Variants in DSCAML1 observed in about 807,000 individuals in gnomAD.
DSCAML1 encodes DS cell adhesion molecule like 1, also known as cell adhesion molecule DSCAML1.
Under a neutral mutation model 200.5 loss-of-function variants are expected in DSCAML1, and 38 were observed. That is an observed-to-expected ratio of 0.19 (90% CI 0.15 to 0.25). The LOEUF (loss-of-function observed/expected upper bound fraction) is 0.25. DSCAML1 is among the 10% of genes least tolerant of loss of function. The pLI is 1.00. For missense variants in DSCAML1, 2,223 were observed against 2,858.8 expected, an observed-to-expected ratio of 0.78 and a Z score of 5.07; for synonymous variants, 1,215 against 1,165.0, an observed-to-expected ratio of 1.04 and a Z score of -0.87.
At chr11:117,636,792 T>C (rs145547871) in intron 3 of DSCAML1, among the ~76,000 whole-genome samples, 5 of 152,378 alleles carry the variant, frequency 3.3e-5, no homozygotes, top group African/African-American at 1.2e-4. Context: ...ATTTTACATC[T>C]ACTTTGTAGG....
At chr11:117,436,630 C>T (rs1490850700) in intron 26 of DSCAML1, among the ~76,000 whole-genome samples, 1 of 152,002 alleles carries the variant, frequency 6.6e-6, no homozygotes, top group African/African-American at 2.4e-5. Context: ...TCTCCATGTT[C>T]AAAAAGATGG....
intron 16 of DSCAML1, among the ~76,000 whole-genome samples, chr11:117,468,769 AGT>A (rs1220237630): frequency 6.6e-6 from 1 of 152,080 alleles, no homozygotes; most frequent in African/African-American, 2.4e-5. Flanking sequence ...TATGTGTGTG[AGT>A]GTGAGTGTGA....
intron 14 of DSCAML1, among the ~76,000 whole-genome samples, chr11:117,475,337 C>T (rs1199831087): frequency 1.3e-5 from 2 of 152,204 alleles, no homozygotes; most frequent in African/African-American, 4.8e-5. Flanking sequence ...ACATAAAATT[C>T]TTCAATAGTT....
Position 117,525,033 on chromosome 11 carries a change from C to T in DSCAML1, c.709G>A (p.Val237Met), listed in dbSNP as rs1303680850. Residue 237 changes from valine to methionine, a missense_variant, in exon 5 of 33, where the codon GTG becomes ATG. By Grantham distance (21) the Val-to-Met change is conservative (BLOSUM62 1). Transcript: ENST00000651296. Reference protein sequence around the residue: ...TILDGFHSQEVWAGHTVELPC... With the variant: ...TILDGFHSQEMWAGHTVELPC... Reference sequence around the variant, plus strand: ...AGCTCCACGGTGTGGCCGGCCCACACTTCCTGGGAGTGGAAGCCATCCAGG... The same window carrying T: ...AGCTCCACGGTGTGGCCGGCCCACATTTCCTGGGAGTGGAAGCCATCCAGG... The T allele has an allele frequency of 6.3e-7, 1 of 1,596,690 alleles. No homozygotes were observed. The highest frequency in any genetic ancestry group is 1.7e-5 in the Admixed American group (1 of 57,260).
At chr11:117,720,482 G>C (rs1377181513) in intron 3 of DSCAML1, among the ~76,000 whole-genome samples, 1 of 152,204 alleles carries the variant, frequency 6.6e-6, no homozygotes, top group African/African-American at 2.4e-5. Context: ...TTTGGAGCTG[G>C]CTCCAAGAGC....
intron 3 of DSCAML1, among the ~76,000 whole-genome samples, chr11:117,650,121 C>T (rs114989844): frequency 0.027 from 4,070 of 152,282 alleles, 154 homozygotes; most frequent in South Asian, 0.16. Flanking sequence ...TCCTCACTGG[C>T]ATTATCTGTG....
intron 21 of DSCAML1, 129 bp from the exon 22 acceptor site, chr11:117,440,065 T>C: frequency 1.4e-6 from 1 of 734,808 alleles, no homozygotes; most frequent in Non-Finnish European, 2.3e-6. Flanking sequence ...CCTTGGGCTT[T>C]TGGTGAGGGG....
At chr11:117,729,900 C>G (rs2054191289) in intron 3 of DSCAML1, among the ~76,000 whole-genome samples, 1 of 152,178 alleles carries the variant, frequency 6.6e-6, no homozygotes, top group Non-Finnish European at 1.5e-5. Context: ...TTGCAAAGGT[C>G]CTTTGAAAAA....
At chr11:117,619,664 T>G (rs1331265333) in intron 3 of DSCAML1, among the ~76,000 whole-genome samples, 1 of 152,146 alleles carries the variant, frequency 6.6e-6, no homozygotes, top group Non-Finnish European at 1.5e-5. Flanking sequence ...GGGGTATAAA[T>G]GAAGATTTGA....
rs747527407 is a variant in DSCAML1 at position 117,486,249 on chromosome 11, C to CGGATGGGAAAGTGGT, written c.2360-4102_2360-4088dup. On this transcript the variant is annotated intron_variant, in intron 11 of 32. Transcript: ENST00000651296. Reference sequence around the variant, plus strand: ...GGGAAAGTGGCGGATGGGAAAGTGGCGGATGGGAAAGTGGTGGATGGGAAA... The same window carrying CGGATGGGAAAGTGGT: ...GGGAAAGTGGCGGATGGGAAAGTGGCGGATGGGAAAGTGGTGGATGGGAAAGTGGTGGATGGGAAA... Among the ~76,000 whole-genome samples, 6 of 122,172 alleles carry CGGATGGGAAAGTGGT rather than the reference C, an allele frequency of 4.9e-5. No individual in the cohort carries two copies. In the East Asian group the frequency reaches 8.2e-4, roughly 17 times the overall value. 80.1% of individuals were successfully genotyped at this position (122,172 alleles called of 152,430 possible). A position where few individuals can be genotyped will look rare whatever the true frequency, so the allele number is the denominator to read the frequency against.
At position 117,780,694 on chromosome 11, in the gene DSCAML1, C is replaced by T. The variant is rs775200712; in HGVS notation, c.163G>A (p.Ala55Thr). ...VPCPAAGSPS[A>T]ALRWYLATGD... ...GTGGCCAGGTACCATCGAAGGGCCG[C>T]GCTGGGGGAGCCCGCGGCCGGGCAG... Residue 55 changes from alanine to threonine, a missense_variant, in exon 2 of 33, where the codon GCG (alanine) becomes ACG (threonine). By Grantham distance (58) the Ala-to-Thr change is moderately conservative (BLOSUM62 0). Around this residue, in one of 7 missense-constraint regions of DSCAML1, gnomAD observed 579 missense variants for 721.5 expected, o/e 0.80. Transcript: ENST00000651296. The surrounding 1 kb of genome is among the most constrained non-coding windows in gnomAD (Gnocchi z 4.8). The T allele has an allele frequency of 1.9e-6, 3 of 1,587,102 alleles. No individual in the cohort carries two copies. Among genetic ancestry groups the T allele is most frequent in the Admixed American group, 1.8e-5 (1 of 56,160 alleles).
chr11:117,746,709 G>A (rs911149207), intron 3 of DSCAML1, among the ~76,000 whole-genome samples: 2 of 152,078 alleles, frequency 1.3e-5, no homozygotes, highest in African/African-American at 4.8e-5. Context: ...CCTGACCCAG[G>A]GACCCTAGGG....
intron 31 of DSCAML1, among the ~76,000 whole-genome samples, chr11:117,431,279 A>G (rs887872401): frequency 2.0e-5 from 3 of 152,230 alleles, no homozygotes; most frequent in African/African-American, 7.2e-5. Context: ...CCTTTCTCCA[A>G]TGAACATCAT....
At chr11:117,586,576 G>C (rs528111730) in intron 3 of DSCAML1, among the ~76,000 whole-genome samples, 42 of 152,220 alleles carry the variant, frequency 2.8e-4, no homozygotes, top group African/African-American at 8.4e-4. Flanking sequence ...CCTCCTGTTC[G>C]ACTCGGCTGG....
At chr11:117,457,631 G>GGGAGAGGGGGCCTGCTGGAGGT (rs1299897912) in intron 19 of DSCAML1, among the ~76,000 whole-genome samples, 9 of 152,178 alleles carry the variant, frequency 5.9e-5, no homozygotes, top group Non-Finnish European at 1.0e-4. Flanking sequence ...AGAGCTTAAA[G>GGGAGAGGGGGCCTGCTGGAGGT]GGAGAGGGGG....
chr11:117,537,117 T>C (rs979805483), intron 3 of DSCAML1, among the ~76,000 whole-genome samples: 4 of 152,160 alleles, frequency 2.6e-5, no homozygotes, highest in African/African-American at 9.7e-5. Context: ...CTGACTCTCC[T>C]AGAATGACAG....
rs758057846 is a variant in DSCAML1 at position 117,504,947 on chromosome 11, T to C, written c.2159A>G (p.Lys720Arg). 8.9e-5 allele frequency: 144 copies of C among 1,610,090 alleles called. No individual in the cohort carries two copies. The highest frequency in any genetic ancestry group is 1.8e-5 in the Non-Finnish European group (21 of 1,177,614). ...ACCCTTGGCATGCTTCCACATGACC[T>C]TGGGTGGGGGGTAGCCGTCCACCGA... is the stretch of plus-strand genomic sequence containing the variant. ...NCSVDGYPPP[K>R]VMWKHAKGSG... The change falls in exon 10 of 33, where the codon AAG (lysine) becomes AGG (arginine). Residue 720 changes from lysine (K) to arginine (R), a missense_variant. By Grantham distance (26) the Lys-to-Arg change is conservative. Transcript: ENST00000651296. This position sits in a 1 kb window ranked among gnomAD's most constrained non-coding sequence, Gnocchi z 5.0.
rs2048651272 is a variant in DSCAML1, at chr11:117,469,891, A to C, written c.3024+19T>G. 5 of 1,590,176 alleles carry C rather than the reference A, an allele frequency of 3.1e-6. No individual in the cohort carries two copies. The East Asian group carries it at 1.1e-4, about 36-fold the overall frequency. On this transcript the variant is annotated intron_variant, in intron 16 of 32. Coordinates refer to ENST00000651296, the MANE Select transcript of DSCAML1 (RefSeq NM_020693.4). This position sits in a 1 kb window ranked among gnomAD's most constrained non-coding sequence, Gnocchi z 4.1. ...GAGGCAAGCAGACATTCCAGGGGAG[A>C]TGCCTTAGACACACTTACCTTCCAG...
chr11:117,592,341 T>C (rs763298485), intron 3 of DSCAML1, among the ~76,000 whole-genome samples: 42 of 152,272 alleles, frequency 2.8e-4, no homozygotes, highest in East Asian at 9.7e-4. Context: ...CTGCCTCCCA[T>C]TGAGCTCACA....
Sources: gnomAD v4.1 joint callset for allele counts (sites outside exome capture counted in the v4.1 genomes callset) on GRCh38, gnomAD v4.1.1 for gene constraint, gnomAD v4.1.1 regional missense constraint, Gnocchi (gnomAD v3.1) non-coding constraint, MANE v1.5 for transcripts, NCBI Gene and HGNC (gene_info 2026-07-23, HGNC 2026-07-21) for gene names.